The following CSMD1 variants were observed in gnomAD, a reference collection of about 807,000 sequenced individuals.
The protein encoded by CSMD1 is CUB and sushi domain-containing protein 1.
Under a neutral mutation model 417.5 loss-of-function variants are expected in CSMD1, and 213 were observed. The ratio of observed to expected loss-of-function variants is 0.51; its 90% confidence interval spans 0.46 to 0.57. The LOEUF (loss-of-function observed/expected upper bound fraction) is 0.57, where lower values mean the gene tolerates loss of function less well. CSMD1 is among the 20% of genes least tolerant of loss of function. The probability of loss-of-function intolerance (pLI) is 0.00; values close to 1 mark genes in which losing one functional copy is unlikely to be tolerated. For synonymous variants in CSMD1, 2,862 were observed against 1,736.8 expected, an observed-to-expected ratio of 1.65 and a Z score of -16.11; for missense variants, 6,923 against 4,529.7, an observed-to-expected ratio of 1.53 and a Z score of -15.17.
At chr8:4,846,240 C>T (rs972161393) in intron 1 of CSMD1, among the ~76,000 whole-genome samples, 1 of 152,144 alleles carries the variant, frequency 6.6e-6, no homozygotes, top group East Asian at 1.9e-4. Flanking sequence ...AAAAATATAG[C>T]TCTTACTTTC....
chr8:4,896,266 C>A (rs1417567458), intron 1 of CSMD1, among the ~76,000 whole-genome samples: 1 of 152,110 alleles, frequency 6.6e-6, no homozygotes, highest in Non-Finnish European at 1.5e-5. Context: ...TCTCTATATG[C>A]TTTTCCCTAG....
intron 1 of CSMD1, among the ~76,000 whole-genome samples, chr8:4,807,542 C>T (rs902931560): frequency 5.9e-5 from 9 of 152,132 alleles, no homozygotes; most frequent in South Asian, 2.1e-4. Flanking sequence ...GACACCAGTA[C>T]GTGTTCATTG....
intron 1 of CSMD1, among the ~76,000 whole-genome samples, chr8:4,693,624 A>AT (rs1042891253): frequency 6.6e-6 from 1 of 152,052 alleles, no homozygotes; most frequent in Admixed American, 6.6e-5. Flanking sequence ...TTCTCCTTCC[A>AT]TTTTTTCAAA....
chr8:3,369,091 AT>A (rs1178318691), intron 19 of CSMD1, among the ~76,000 whole-genome samples, 162 bp downstream of exon 19: 1 of 152,232 alleles, frequency 6.6e-6, no homozygotes, highest in East Asian at 1.9e-4. Flanking sequence ...TTGAAAGACT[AT>A]TGTTCTTCCA....
chr8:3,253,123 G>C (rs1006692287), intron 26 of CSMD1, among the ~76,000 whole-genome samples: 2 of 151,674 alleles, frequency 1.3e-5, no homozygotes, highest in African/African-American at 2.4e-5. Flanking sequence ...GTGATGCTAG[G>C]GTGTCAATTT....
At chr8:4,675,931 C>T (rs1221054977) in intron 1 of CSMD1, among the ~76,000 whole-genome samples, 1 of 152,038 alleles carries the variant, frequency 6.6e-6, no homozygotes, top group East Asian at 1.9e-4. Flanking sequence ...AACGTTAAGC[C>T]TGGATTGAAT....
chr8:3,555,981 A>G (rs1799124122), intron 10 of CSMD1, among the ~76,000 whole-genome samples: 1 of 152,198 alleles, frequency 6.6e-6, no homozygotes, highest in African/African-American at 2.4e-5. Context: ...ACAGACTATT[A>G]AAACTGGTGA....
At chr8:2,969,546 T>C (rs1222463438) in intron 57 of CSMD1, among the ~76,000 whole-genome samples, 1 of 152,240 alleles carries the variant, frequency 6.6e-6, no homozygotes, top group African/African-American at 2.4e-5. Flanking sequence ...CTCCTTTTTA[T>C]AATTTATTCA....
chr8:4,753,029 A>T (rs988210307), intron 1 of CSMD1, among the ~76,000 whole-genome samples: 1 of 152,230 alleles, frequency 6.6e-6, no homozygotes, highest in African/African-American at 2.4e-5. Context: ...TATCCAATGC[A>T]TAATAAGAGA....
chr8:4,806,017 G>C (rs901930890), intron 1 of CSMD1, among the ~76,000 whole-genome samples: 2 of 152,106 alleles, frequency 1.3e-5, no homozygotes, highest in Non-Finnish European at 2.9e-5. Flanking sequence ...AATTATCTGA[G>C]TCCTCCCATG....
Position 4,446,716 on chromosome 8 carries a change from G to C in CSMD1, c.303-26651C>G, listed in dbSNP as rs924672930. 2.8e-5 allele frequency among the ~76,000 whole-genome samples: 4 copies of C among 143,244 alleles called. No individual in the cohort carries two copies. The East Asian group carries it at 7.8e-4, about 28-fold the overall frequency. 94.0% of individuals were successfully genotyped at this position (143,244 alleles called of 152,430 possible). A position where few individuals can be genotyped will look rare whatever the true frequency, so the allele number is the denominator to read the frequency against. On this transcript the variant is annotated intron_variant, in intron 2 of 69. Coordinates refer to ENST00000635120, the MANE Select transcript of CSMD1 (RefSeq NM_033225.6). Reference sequence around the variant, plus strand: ...TACTCGTGCCCACCACCATGCCTGAGTTGTGTGTGTGTGTGTCTGTGTGTG... The same window carrying C: ...TACTCGTGCCCACCACCATGCCTGACTTGTGTGTGTGTGTGTCTGTGTGTG...
chr8:3,714,598 A>ATGG (rs1247269989), intron 6 of CSMD1, among the ~76,000 whole-genome samples: 4 of 138,632 alleles, frequency 2.9e-5, no homozygotes, highest in African/African-American at 1.0e-4. Flanking sequence ...CCAGCCAGGC[A>ATGG]TGGTGGCGGG....
intron 1 of CSMD1, among the ~76,000 whole-genome samples, chr8:4,744,635 C>A (rs1289369770): frequency 6.6e-6 from 1 of 152,120 alleles, no homozygotes; most frequent in Non-Finnish European, 1.5e-5. Context: ...GCAACTCTAA[C>A]AATATTATTC....
chr8:4,184,833 A>G (rs1798572616), intron 3 of CSMD1, among the ~76,000 whole-genome samples: 1 of 152,074 alleles, frequency 6.6e-6, no homozygotes, highest in African/African-American at 2.4e-5. Flanking sequence ...TGTACCCCTG[A>G]ATTTAAAATA....
chr8:4,431,490 C>A (rs925403579), intron 2 of CSMD1, among the ~76,000 whole-genome samples: 2 of 152,026 alleles, frequency 1.3e-5, no homozygotes, highest in African/African-American at 4.8e-5. Context: ...AGTAGAGAGA[C>A]CAAGTAGAGA....
intron 8 of CSMD1, among the ~76,000 whole-genome samples, chr8:3,586,710 G>C (rs1481503853): frequency 6.6e-6 from 1 of 152,160 alleles, no homozygotes; most frequent in Non-Finnish European, 1.5e-5. Context: ...ACTGTATTTT[G>C]CTATCACACA....
At chr8:4,666,986 A>G (rs1333979608) in intron 1 of CSMD1, among the ~76,000 whole-genome samples, 1 of 152,092 alleles carries the variant, frequency 6.6e-6, no homozygotes, top group Non-Finnish European at 1.5e-5. Flanking sequence ...CCTTTAGTTT[A>G]TATATGTAAG....
chr8:4,316,577 C>T (rs1417394197), intron 3 of CSMD1, among the ~76,000 whole-genome samples: 2 of 152,004 alleles, frequency 1.3e-5, no homozygotes, highest in African/African-American at 2.4e-5. Flanking sequence ...CACTAATATT[C>T]CATCGAGTCC....
chr8:4,534,848 C>T (rs574771486), intron 2 of CSMD1, among the ~76,000 whole-genome samples: 7 of 152,192 alleles, frequency 4.6e-5, no homozygotes, highest in Middle Eastern at 3.4e-3. Flanking sequence ...ATGCAAGCTC[C>T]GCCTCCCGGG....
Sources: allele counts gnomAD v4.1 joint callset (sites outside exome capture counted in the v4.1 genomes callset), GRCh38; gene constraint gnomAD v4.1.1; transcripts MANE v1.5; gene names NCBI Gene and HGNC (gene_info 2026-07-23, HGNC 2026-07-21).